LHFPL2: variants seen among roughly 807,000 people sequenced by gnomAD.
The protein encoded by LHFPL2 is LHFPL tetraspan subfamily member 2 protein.
LHFPL2 carries 7 observed loss-of-function variants against 17.5 expected under a neutral mutation model. The ratio of observed to expected loss-of-function variants is 0.40; its 90% confidence interval spans 0.23 to 0.75. LHFPL2 has a LOEUF of 0.75. Ranked by LOEUF, LHFPL2 falls within the 30% of genes least tolerant of loss-of-function variation. The pLI, the probability that LHFPL2 is intolerant of heterozygous loss-of-function variation, is 0.37. For synonymous variants in LHFPL2, 134 were observed against 116.2 expected (o/e 1.15, Z -0.99); for missense variants, 241 against 294.8 (o/e 0.82, Z 1.34).
At chr5:78,643,303 A>G (rs1002434177) in intron 1 of LHFPL2, among the ~76,000 whole-genome samples, 1 of 152,244 alleles carries the variant, frequency 6.6e-6, no homozygotes, top group South Asian at 2.1e-4. Flanking sequence ...TTGAAGGTGC[A>G]TGATGAACCA....
chr5:78,607,543 G>T (rs1744264058), intron 2 of LHFPL2, among the ~76,000 whole-genome samples: 1 of 152,154 alleles, frequency 6.6e-6, no homozygotes, highest in Non-Finnish European at 1.5e-5. Flanking sequence ...CCTCCTAAAT[G>T]TCTTTTTTGT....
At chr5:78,619,567 T>G (rs1476956281) in intron 2 of LHFPL2, among the ~76,000 whole-genome samples, 16 of 147,250 alleles carry the variant, frequency 1.1e-4, no homozygotes, top group African/African-American at 4.0e-4. Flanking sequence ...TTGTTACATA[T>G]GTATACATGT....
chr5:78,492,525 T>C (rs1002051194), intron 4 of LHFPL2, among the ~76,000 whole-genome samples: 2 of 152,208 alleles, frequency 1.3e-5, no homozygotes, highest in Non-Finnish European at 2.9e-5. Context: ...ATCAGGCTCC[T>C]TTCCACAGCG....
intron 2 of LHFPL2, among the ~76,000 whole-genome samples, chr5:78,629,283 T>C (rs999620621): frequency 2.6e-5 from 4 of 152,200 alleles, no homozygotes; most frequent in Non-Finnish European, 4.4e-5. Flanking sequence ...AAGTCTAAGA[T>C]ATTCAATTTA....
chr5:78,590,425 C>G (rs965309230), intron 2 of LHFPL2, among the ~76,000 whole-genome samples: 5 of 152,098 alleles, frequency 3.3e-5, no homozygotes, highest in Non-Finnish European at 5.9e-5. Flanking sequence ...AATCATTTTT[C>G]CTTCTGATTT....
chr5:78,575,587 C>T (rs1757109990), intron 2 of LHFPL2, among the ~76,000 whole-genome samples: 1 of 152,088 alleles, frequency 6.6e-6, no homozygotes, highest in Non-Finnish European at 1.5e-5. Flanking sequence ...GCAAAACTAA[C>T]TCCACAAAAT....
chr5:78,524,008 T>G (rs530723517), intron 3 of LHFPL2, among the ~76,000 whole-genome samples: 1 of 152,180 alleles, frequency 6.6e-6, no homozygotes, highest in Non-Finnish European at 1.5e-5. Flanking sequence ...TGCCAGGAGT[T>G]CAGACAAACA....
At chr5:78,633,353 G>C (rs1245584881) in intron 1 of LHFPL2, among the ~76,000 whole-genome samples, 1 of 152,210 alleles carries the variant, frequency 6.6e-6, no homozygotes, top group East Asian at 1.9e-4. Flanking sequence ...ACTGCCTCAG[G>C]GGCAGAGTCT....
At chr5:78,607,440 T>C (rs1037800963) in intron 2 of LHFPL2, among the ~76,000 whole-genome samples, 2 of 152,202 alleles carry the variant, frequency 1.3e-5, no homozygotes, top group Non-Finnish European at 2.9e-5. Context: ...ACCATAGGTT[T>C]GTATTTCGCC....
intron 1 of LHFPL2, among the ~76,000 whole-genome samples, chr5:78,647,705 A>G (rs747851581): frequency 6.6e-6 from 1 of 152,144 alleles, no homozygotes; most frequent in Non-Finnish European, 1.5e-5. Context: ...CCATTGAAAC[A>G]AGCACATGGA....
At chr5:78,557,501 A>AAGCAAGGAGGCAGAATGTGGT (rs1347484170) in intron 3 of LHFPL2, among the ~76,000 whole-genome samples, 3 of 152,220 alleles carry the variant, frequency 2.0e-5, no homozygotes, top group African/African-American at 4.8e-5. Flanking sequence ...TCTGAGAATG[A>AAGCAAGGAGGCAGAATGTGGT]AGCAAGGAGG....
chr5:78,523,643 C>T (rs1401139591), intron 3 of LHFPL2, among the ~76,000 whole-genome samples: 1 of 152,060 alleles, frequency 6.6e-6, no homozygotes, highest in Non-Finnish European at 1.5e-5. Flanking sequence ...CCCACAGGGG[C>T]CAGTGGACGT....
At chr5:78,534,414 T>TC (rs1269103576) in intron 3 of LHFPL2, among the ~76,000 whole-genome samples, 1 of 151,884 alleles carries the variant, frequency 6.6e-6, no homozygotes, top group Admixed American at 6.6e-5. Flanking sequence ...CGTAGCAGGC[T>TC]CCCCCACAAA....
intron 1 of LHFPL2, among the ~76,000 whole-genome samples, chr5:78,643,472 C>T (rs1745750492): frequency 6.6e-6 from 1 of 151,990 alleles, no homozygotes; most frequent in South Asian, 2.1e-4. Flanking sequence ...CTTTCTAAGG[C>T]TGACATGTCT....
intron 3 of LHFPL2, among the ~76,000 whole-genome samples, chr5:78,561,915 C>T (rs973555563): frequency 6.6e-6 from 1 of 152,084 alleles, no homozygotes; most frequent in African/African-American, 2.4e-5. Context: ...TGCTAATCAC[C>T]CACCCTAAAT....
At chr5:78,500,455 T>G (rs1179193099) in intron 4 of LHFPL2, among the ~76,000 whole-genome samples, 2 of 152,160 alleles carry the variant, frequency 1.3e-5, no homozygotes, top group African/African-American at 4.8e-5. Context: ...CTGGCTCTCG[T>G]GAAATCTTGC....
intron 4 of LHFPL2, among the ~76,000 whole-genome samples, chr5:78,489,524 C>T (rs1230266520): frequency 6.6e-6 from 1 of 152,194 alleles, no homozygotes; most frequent in Non-Finnish European, 1.5e-5. Flanking sequence ...CTGTCTCAGC[C>T]TCCCAAGTAG....
At chr5:78,513,034 C>T (rs749624924) in intron 3 of LHFPL2, among the ~76,000 whole-genome samples, 2 of 152,130 alleles carry the variant, frequency 1.3e-5, no homozygotes, top group African/African-American at 2.4e-5. Flanking sequence ...GGATTATAGG[C>T]GTGTGCAACC....
At chr5:78,501,364 A>C (rs903065142) in intron 4 of LHFPL2, among the ~76,000 whole-genome samples, 3 of 152,234 alleles carry the variant, frequency 2.0e-5, no homozygotes, top group African/African-American at 7.2e-5. Context: ...AAATGGGAGA[A>C]GCCTTAGCAC....
Sources: allele counts gnomAD v4.1 joint callset (sites outside exome capture counted in the v4.1 genomes callset), GRCh38; gene constraint gnomAD v4.1.1; transcripts MANE v1.5; gene names NCBI Gene and HGNC (gene_info 2026-07-23, HGNC 2026-07-21).